The following DCHS2 variants were observed in gnomAD, a reference collection of about 807,000 sequenced individuals.
DCHS2 encodes protocadherin-23.
Under a neutral mutation model 182.4 loss-of-function variants are expected in DCHS2, and 142 were observed. That is an observed-to-expected ratio of 0.78 (90% CI 0.68 to 0.89). The LOEUF (loss-of-function observed/expected upper bound fraction) is 0.89, where lower values mean the gene tolerates loss of function less well. Ranked by LOEUF, DCHS2 falls within the 40% of genes least tolerant of loss-of-function variation. The pLI is 0.00. For synonymous variants in DCHS2, 1,740 were observed against 1,663.3 expected (o/e 1.05, Z -1.12); for missense variants, 4,319 against 4,198.6 (o/e 1.03, Z -0.79).
intron 1 of DCHS2, among the ~76,000 whole-genome samples, chr4:154,426,828 T>TTTATAACACAAAGAAAGGATA (rs1172692988): frequency 2.1e-5 from 3 of 140,542 alleles, no homozygotes; most frequent in Non-Finnish European, 3.2e-5. Context: ...AATTGGATTG[T>TTTATAACACAAAGAAAGGATA]TTATAACACA....
chr4:154,423,177 T>G (rs999784516), intron 1 of DCHS2, among the ~76,000 whole-genome samples: 1 of 152,228 alleles, frequency 6.6e-6, no homozygotes, highest in Non-Finnish European at 1.5e-5. Context: ...AAAGAAACTC[T>G]GTAGCCTTTA....
At chr4:154,454,311 A>T (rs1359103339) in intron 1 of DCHS2, among the ~76,000 whole-genome samples, 2 of 152,122 alleles carry the variant, frequency 1.3e-5, no homozygotes, top group Non-Finnish European at 2.9e-5. Flanking sequence ...TGGCATGAAC[A>T]TAGCTCACTG....
intron 1 of DCHS2, among the ~76,000 whole-genome samples, chr4:154,454,394 C>A (rs1734673550): frequency 6.6e-6 from 1 of 152,046 alleles, no homozygotes; most frequent in African/African-American, 2.4e-5. Flanking sequence ...CAGGTGTACG[C>A]CATCATGCTC....
chr4:154,405,934 T>C (rs554223346), intron 1 of DCHS2, among the ~76,000 whole-genome samples: 9 of 152,318 alleles, frequency 5.9e-5, no homozygotes, highest in Non-Finnish European at 8.8e-5. Context: ...CTTTAAAGAG[T>C]TGACATTTTG....
intron 1 of DCHS2, among the ~76,000 whole-genome samples, chr4:154,428,290 C>T (rs1176186581): frequency 1.3e-5 from 2 of 152,172 alleles, no homozygotes. Flanking sequence ...CTTATAATCC[C>T]AGAACTTTGG....
At chr4:154,405,451 T>C (rs1732360265) in intron 1 of DCHS2, among the ~76,000 whole-genome samples, 1 of 149,272 alleles carries the variant, frequency 6.7e-6, no homozygotes, top group Admixed American at 6.7e-5. Context: ...TTCATATTTA[T>C]TCATATATAT....
intron 1 of DCHS2, among the ~76,000 whole-genome samples, chr4:154,486,739 G>A (rs1240390606): frequency 1.3e-5 from 2 of 152,146 alleles, no homozygotes; most frequent in African/African-American, 4.8e-5. Context: ...TAGGGGGTAA[G>A]TCAGCTGTGG....
intron 1 of DCHS2, among the ~76,000 whole-genome samples, chr4:154,405,181 T>C (rs1732348766): frequency 6.6e-6 from 1 of 152,028 alleles, no homozygotes; most frequent in South Asian, 2.1e-4. Context: ...ACCTGGGAGG[T>C]TGAGGTTGCA....
chr4:154,308,204 T>C (rs548924976), intron 10 of DCHS2, among the ~76,000 whole-genome samples: 1 of 151,812 alleles, frequency 6.6e-6, no homozygotes, highest in Non-Finnish European at 1.5e-5. Flanking sequence ...CCATTTCTAG[T>C]TCTTACCTAA....
intron 12 of DCHS2, among the ~76,000 whole-genome samples, chr4:154,300,626 G>A (rs1735161224): frequency 6.6e-6 from 1 of 151,986 alleles, no homozygotes; most frequent in Non-Finnish European, 1.5e-5. Flanking sequence ...GGGGGTACAG[G>A]CTGCAGTGAG....
At chr4:154,371,867 C>T (rs1730663519) in intron 2 of DCHS2, among the ~76,000 whole-genome samples, 1 of 152,108 alleles carries the variant, frequency 6.6e-6, no homozygotes. Flanking sequence ...TGGTGCTAAA[C>T]TATTCATGAG....
chr4:154,242,686 T>C lies in DCHS2; in HGVS notation c.7028A>G (p.Asn2343Ser). 1 of 1,613,108 alleles carries C rather than the reference T, an allele frequency of 6.2e-7. No individual in the cohort carries two copies. Among genetic ancestry groups the C allele is most frequent in the Non-Finnish European group, 8.5e-7 (1 of 1,179,406 alleles). Residue 2343 changes from asparagine to serine, a missense_variant, in exon 17 of 20, where the codon AAT becomes AGT. Asn to Ser is a conservative substitution (Grantham distance 46, BLOSUM62 1). Coordinates refer to ENST00000357232, the MANE Select transcript of DCHS2 (RefSeq NM_001358235.2). ...IKVQVTDIND[N>S]APAFLPSEAV... ...TTCAGAGGGGAGAAAAGCTGGGGCA[T>C]TGTCATTTATATCAGTCACCTGTAC... is the stretch of plus-strand genomic sequence containing the variant.
rs1728616296 is a variant in DCHS2 at position 154,333,471 on chromosome 4, T to C, written c.2737A>G (p.Arg913Gly). The change falls in exon 5 of 20, where the codon AGG (arginine) becomes GGG (glycine). Residue 913 changes from arginine (R) to glycine (G), a missense_variant. Physicochemically the swap from Arg to Gly is moderately radical, Grantham distance 125 (BLOSUM62 -2). Transcript: ENST00000357232. ...PLNSSEPIFY[R>G]ISSGDLGGKF... Reference sequence around the variant, plus strand: ...CCGCCGAGATCACCAGAAGAAATCCTGTAAAAGATTGGTTCTGAGGAGTCT... The same window carrying C: ...CCGCCGAGATCACCAGAAGAAATCCCGTAAAAGATTGGTTCTGAGGAGTCT... The C allele has an allele frequency of 5.6e-6, 9 of 1,612,958 alleles. No homozygotes were observed. The highest frequency in any genetic ancestry group is 1.1e-5 in the South Asian group (1 of 91,030).
intron 10 of DCHS2, among the ~76,000 whole-genome samples, chr4:154,309,215 T>C (rs559232127): frequency 8.5e-5 from 13 of 152,182 alleles, no homozygotes; most frequent in African/African-American, 2.2e-4. Flanking sequence ...CCATAGTGTC[T>C]CAGATCCAAA....
intron 1 of DCHS2, among the ~76,000 whole-genome samples, chr4:154,488,879 T>A (rs867960670): frequency 2.2e-4 from 30 of 139,416 alleles, no homozygotes; most frequent in African/African-American, 7.4e-4. Flanking sequence ...TTGACAAAAA[T>A]ATATATATGT....
At chr4:154,258,905 A>G (rs1560990588) in intron 15 of DCHS2, among the ~76,000 whole-genome samples, 1 of 152,186 alleles carries the variant, frequency 6.6e-6, no homozygotes, top group Non-Finnish European at 1.5e-5. Flanking sequence ...TTTCCTTTCC[A>G]AAGTCACGGG....
chr4:154,378,447 G>GGGAAGGAAGGAAGGGAGGAA (rs1561077943), intron 1 of DCHS2, among the ~76,000 whole-genome samples: 9 of 138,922 alleles, frequency 6.5e-5, no homozygotes, highest in African/African-American at 2.1e-4. Context: ...AAGAGGAGGA[G>GGGAAGGAAGGAAGGGAGGAA]GGAAGGAAGG....
chr4:154,425,221 T>C (rs1733272667), intron 1 of DCHS2, among the ~76,000 whole-genome samples: 1 of 152,196 alleles, frequency 6.6e-6, no homozygotes, highest in Non-Finnish European at 1.5e-5. Flanking sequence ...GAACTTCTTT[T>C]CAAGGCTCCA....
intron 1 of DCHS2, among the ~76,000 whole-genome samples, chr4:154,446,129 T>A (rs915881393): frequency 6.6e-6 from 1 of 152,224 alleles, no homozygotes; most frequent in Non-Finnish European, 1.5e-5. Context: ...ATATGTGGCG[T>A]CAGCTCTTAA....
Sources: gnomAD v4.1 joint callset for allele counts (sites outside exome capture counted in the v4.1 genomes callset) on GRCh38, gnomAD v4.1.1 for gene constraint, MANE v1.5 for transcripts, NCBI Gene and HGNC (gene_info 2026-07-23, HGNC 2026-07-21) for gene names.